SLCO3A1: variants seen among roughly 807,000 people sequenced by gnomAD.
SLCO3A1 encodes PGE1 transporter.
Under a neutral mutation model 63.1 loss-of-function variants are expected in SLCO3A1, and 27 were observed. That is an observed-to-expected ratio of 0.43 (90% CI 0.32 to 0.59). The LOEUF (loss-of-function observed/expected upper bound fraction) is 0.59. SLCO3A1 is among the 20% of genes least tolerant of loss of function. SLCO3A1 has a pLI of 0.09. For missense variants in SLCO3A1, 773 were observed against 945.8 expected (o/e 0.82, Z 2.40); for synonymous variants, 473 against 409.9 (o/e 1.15, Z -1.86).
At chr15:92,036,279 T>C (rs528377450) in intron 2 of SLCO3A1, among the ~76,000 whole-genome samples, 2 of 152,204 alleles carry the variant, frequency 1.3e-5, no homozygotes, top group African/African-American at 4.8e-5. Context: ...GTGTGCTGCT[T>C]TTGCCAGCCT....
intron 2 of SLCO3A1, among the ~76,000 whole-genome samples, chr15:92,034,898 C>T (rs1051060953): frequency 6.6e-5 from 10 of 151,978 alleles, no homozygotes; most frequent in Non-Finnish European, 1.3e-4. Context: ...TCGCTGATTT[C>T]CTGTTTAATC....
intron 2 of SLCO3A1, among the ~76,000 whole-genome samples, chr15:91,935,140 G>C (rs1180611575): frequency 6.6e-6 from 1 of 152,176 alleles, no homozygotes; most frequent in Non-Finnish European, 1.5e-5. Flanking sequence ...TTTTAGTAGA[G>C]ACAGGGTTTC....
intron 2 of SLCO3A1, among the ~76,000 whole-genome samples, chr15:92,055,385 G>A (rs564695876): frequency 3.4e-4 from 51 of 152,188 alleles, no homozygotes; most frequent in Admixed American, 8.5e-4. Flanking sequence ...GTTTCATCCC[G>A]TTCAGTGTGT....
At chr15:92,086,272 C>T (rs1364150773) in intron 2 of SLCO3A1, among the ~76,000 whole-genome samples, 1 of 152,194 alleles carries the variant, frequency 6.6e-6, no homozygotes, top group Non-Finnish European at 1.5e-5. Context: ...GCTTCAGATC[C>T]TTGCCAACAC....
chr15:92,057,106 C>T (rs2047030714), intron 2 of SLCO3A1, among the ~76,000 whole-genome samples: 1 of 152,202 alleles, frequency 6.6e-6, no homozygotes, highest in Non-Finnish European at 1.5e-5. Context: ...CTCTGCTGTG[C>T]CCGTCTCAGG....
intron 2 of SLCO3A1, among the ~76,000 whole-genome samples, chr15:91,963,404 A>AAGGT (rs1567041036): frequency 3.2e-4 from 1 of 3,154 alleles, no homozygotes; most frequent in Admixed American, 4.0e-3. Flanking sequence ...TAACTCGGGG[A>AAGGT]GGGTGGGGGG....
intron 1 of SLCO3A1, among the ~76,000 whole-genome samples, chr15:91,896,645 CT>C (rs566270074): frequency 1.7e-3 from 266 of 152,330 alleles, no homozygotes; most frequent in Non-Finnish European, 3.5e-3. Context: ...GCCTTTGCTT[CT>C]CTGCCACCTT....
chr15:91,984,229 C>T (rs2046022475), intron 2 of SLCO3A1, among the ~76,000 whole-genome samples: 3 of 152,088 alleles, frequency 2.0e-5, no homozygotes, highest in Admixed American at 6.6e-5. Context: ...GAACTCAGTG[C>T]GATGACATAA....
At chr15:91,975,589 C>T (rs1288282258) in intron 2 of SLCO3A1, among the ~76,000 whole-genome samples, 1 of 152,216 alleles carries the variant, frequency 6.6e-6, no homozygotes, top group African/African-American at 2.4e-5. Context: ...TCTGTGGCAG[C>T]AGGTTCTAGG....
intron 4 of SLCO3A1, among the ~76,000 whole-genome samples, chr15:92,104,808 A>G (rs1336193855): frequency 6.6e-6 from 1 of 152,184 alleles, no homozygotes. Context: ...GACATTTAAT[A>G]AACATAAATG....
rs28500530 is a variant in SLCO3A1, at chr15:92,074,034, G to C, written c.647-20847G>C. On this transcript the variant is annotated intron_variant, in intron 2 of 9. Transcript: ENST00000318445. The stretch of plus-strand genomic sequence containing the variant: ...AAAGTACAAAAAATTAGCTGGGCAT[G>C]GTGTCAGGCACCTGTAATCCCAGCT... Among the ~76,000 whole-genome samples, 796 of 152,286 alleles carry C rather than the reference G, an allele frequency of 5.2e-3. 9 individuals carry two copies. The highest frequency in any genetic ancestry group is 0.018 in the African/African-American group (740 of 41,546).
chr15:92,163,743 G>A lies in SLCO3A1; in HGVS notation c.*608G>A, dbSNP rs899137082. 6.1e-6 allele frequency: 6 copies of A among 985,294 alleles called. No individual in the cohort carries two copies. Among genetic ancestry groups the A allele is most frequent in the Admixed American group, 6.2e-5 (1 of 16,254 alleles). 61.0% of individuals were successfully genotyped at this position (985,294 alleles called of 1,614,324 possible). A position where few individuals can be genotyped will look rare whatever the true frequency, so the allele number is the denominator to read the frequency against. ...AGACGACTCACCCAGTCTGCATGTGGTTCAAGGCCCCAGAGTTCTCTCAGT... is the reference window on the plus strand; with the variant it reads ...AGACGACTCACCCAGTCTGCATGTGATTCAAGGCCCCAGAGTTCTCTCAGT... On this transcript the variant is annotated 3_prime_UTR_variant, in exon 10 of 10. Transcript: ENST00000318445.
chr15:91,932,122 G>A (rs1188282619), intron 2 of SLCO3A1, among the ~76,000 whole-genome samples: 1 of 152,060 alleles, frequency 6.6e-6, no homozygotes, highest in African/African-American at 2.4e-5. Context: ...CATAATGGCT[G>A]TTTTTCCTCA....
At chr15:92,162,461 T>G in intron 9 of SLCO3A1, 1 of 318,166 alleles carries the variant, frequency 3.1e-6, no homozygotes, top group Non-Finnish European at 5.7e-6. Context: ...ATGCTTTCTA[T>G]GTGTAAAGTT....
chr15:91,995,416 C>T (rs530071538), intron 2 of SLCO3A1, among the ~76,000 whole-genome samples: 1 of 152,256 alleles, frequency 6.6e-6, no homozygotes, highest in African/African-American at 2.4e-5. Flanking sequence ...TTCCCTTTCC[C>T]TTGATAATGA....
At chr15:92,025,415 G>T (rs941282616) in intron 2 of SLCO3A1, among the ~76,000 whole-genome samples, 2 of 152,146 alleles carry the variant, frequency 1.3e-5, no homozygotes, top group African/African-American at 4.8e-5. Context: ...AAAGCTAATT[G>T]CAGCAACAGC....
intron 2 of SLCO3A1, among the ~76,000 whole-genome samples, chr15:91,926,007 G>A (rs959334561): frequency 1.3e-5 from 2 of 152,198 alleles, no homozygotes; most frequent in Admixed American, 1.3e-4. Flanking sequence ...GTATAACCAA[G>A]CATCTTTGAA....
At chr15:91,960,534 G>A (rs1900406813) in intron 2 of SLCO3A1, among the ~76,000 whole-genome samples, 1 of 152,218 alleles carries the variant, frequency 6.6e-6, no homozygotes, top group Non-Finnish European at 1.5e-5. Flanking sequence ...TGGTGTCCCA[G>A]ATCGTCCTGT....
chr15:91,914,600 C>T (rs1037653504), intron 1 of SLCO3A1, among the ~76,000 whole-genome samples: 7 of 137,792 alleles, frequency 5.1e-5, no homozygotes, highest in East Asian at 4.5e-4. Context: ...AGCAAGGTCT[C>T]GCTCTGTTGC....
Sources: allele counts gnomAD v4.1 joint callset (sites outside exome capture counted in the v4.1 genomes callset), GRCh38; gene constraint gnomAD v4.1.1; transcripts MANE v1.5; gene names NCBI Gene and HGNC (gene_info 2026-07-23, HGNC 2026-07-21).